Variants in LAMA2 observed in about 807,000 individuals in gnomAD.
LAMA2 encodes the protein laminin subunit alpha 2.
LAMA2 carries 269 observed loss-of-function variants against 364.8 expected under a neutral mutation model. The ratio of observed to expected loss-of-function variants is 0.74; its 90% confidence interval spans 0.67 to 0.82. The LOEUF (loss-of-function observed/expected upper bound fraction) is 0.82. Ranked by LOEUF, LAMA2 falls within the 40% of genes least tolerant of loss-of-function variation. The pLI, the probability that LAMA2 is intolerant of heterozygous loss-of-function variation, is 0.00. For missense variants in LAMA2, 3,807 were observed against 3,873.2 expected, an observed-to-expected ratio of 0.98 and a Z score of 0.45; for synonymous variants, 1,379 against 1,370.6, an observed-to-expected ratio of 1.01 and a Z score of -0.14.
chr6:128,965,443 A>G lies in LAMA2; in HGVS notation c.112+82086A>G, dbSNP rs560667319. Among the ~76,000 whole-genome samples the G allele has an allele frequency of 1.5e-3, 224 of 152,200 alleles. 1 individual carries two copies. The highest frequency in any genetic ancestry group is 5.0e-3 in the African/African-American group (206 of 41,580). The stretch of plus-strand genomic sequence containing the variant: ...AGGAGGAAGGAAATTGCCTTAGGAT[A>G]TGAATCAGATTTGATAACATGAACT... On this transcript the variant is annotated intron_variant, in intron 1 of 64. Transcript: ENST00000421865.
At chr6:128,992,620 A>G (rs1783675387) in intron 1 of LAMA2, among the ~76,000 whole-genome samples, 1 of 152,180 alleles carries the variant, frequency 6.6e-6, no homozygotes, top group Non-Finnish European at 1.5e-5. Context: ...ATTTAAAGAG[A>G]ACTCCTATAC....
chr6:129,260,688 A>C, intron 14 of LAMA2, 23 bp from the exon 15 acceptor site: 2 of 1,393,664 alleles, frequency 1.4e-6, no homozygotes, highest in Non-Finnish European at 2.0e-6. Flanking sequence ...CTTATTCACC[A>C]TCTCTTTTTT....
Position 128,908,158 on chromosome 6 carries a change from T to A in LAMA2, c.112+24801T>A, listed in dbSNP as rs570415465. Among the ~76,000 whole-genome samples the A allele has an allele frequency of 5.3e-4, 80 of 150,254 alleles. 3 individuals carry two copies. In the South Asian group the frequency reaches 0.016, roughly 30 times the overall value. On this transcript the variant is annotated intron_variant, in intron 1 of 64. Transcript: ENST00000421865. ...AATGATGCTGGCCTCATAAAATGAG[T>A]TAGGGAGGATTCCCTCTTTTTCTAT...
intron 1 of LAMA2, among the ~76,000 whole-genome samples, chr6:128,997,445 G>C (rs1275762418): frequency 6.6e-6 from 1 of 152,010 alleles, no homozygotes; most frequent in Admixed American, 6.6e-5. Context: ...GAGAGGGGAA[G>C]AATAGTATTA....
At chr6:129,048,774 C>G (rs1787785032) in intron 1 of LAMA2, among the ~76,000 whole-genome samples, 1 of 151,672 alleles carries the variant, frequency 6.6e-6, no homozygotes, top group South Asian at 2.1e-4. Context: ...ACCACCACGC[C>G]CTGCTAATTT....
chr6:129,093,409 G>T (rs1033602870), intron 3 of LAMA2, among the ~76,000 whole-genome samples: 1 of 152,028 alleles, frequency 6.6e-6, no homozygotes, highest in African/African-American at 2.4e-5. Context: ...GCAGGGAAGG[G>T]TCTAGAGTAG....
chr6:128,971,061 T>C (rs979692316), intron 1 of LAMA2, among the ~76,000 whole-genome samples: 3 of 152,190 alleles, frequency 2.0e-5, no homozygotes, highest in Non-Finnish European at 2.9e-5. Context: ...TTAGAAAGAT[T>C]TGTGCGTCCT....
intron 29 of LAMA2, among the ~76,000 whole-genome samples, chr6:129,333,971 C>T (rs1230152501): frequency 6.6e-6 from 1 of 152,104 alleles, no homozygotes; most frequent in African/African-American, 2.4e-5. Flanking sequence ...AAAATAAATA[C>T]TTCCATTAAA....
chr6:129,176,507 AAGTT>A (rs1249181900), intron 9 of LAMA2, among the ~76,000 whole-genome samples: 1 of 152,084 alleles, frequency 6.6e-6, no homozygotes, highest in African/African-American at 2.4e-5. Flanking sequence ...TAAGATGAGT[AAGTT>A]AGCATCATTT....
chr6:129,134,470 A>G (rs975503405), intron 4 of LAMA2, among the ~76,000 whole-genome samples: 5 of 152,198 alleles, frequency 3.3e-5, no homozygotes, highest in African/African-American at 1.2e-4. Flanking sequence ...TTTCCGGAGA[A>G]TAATGCTTTA....
chr6:129,045,739 G>T (rs1310690994), intron 1 of LAMA2, among the ~76,000 whole-genome samples: 3 of 152,118 alleles, frequency 2.0e-5, no homozygotes, highest in Non-Finnish European at 4.4e-5. Flanking sequence ...ACAACATAAA[G>T]AAAATACTTT....
intron 56 of LAMA2, among the ~76,000 whole-genome samples, chr6:129,489,779 G>C (rs1189662066): frequency 2.0e-5 from 3 of 151,898 alleles, no homozygotes; most frequent in Non-Finnish European, 4.4e-5. Context: ...ACAAACATTA[G>C]GACACATTTC....
chr6:129,453,175 T>C (rs1260099998), intron 46 of LAMA2, 44 bp downstream of exon 46: 4 of 1,539,718 alleles, frequency 2.6e-6, no homozygotes, highest in Admixed American at 3.3e-5. Context: ...TGTATGTGTA[T>C]AGCTAGAGGT....
chr6:129,095,902 A>G (rs889641925), intron 3 of LAMA2, among the ~76,000 whole-genome samples: 1 of 151,930 alleles, frequency 6.6e-6, no homozygotes, highest in African/African-American at 2.4e-5. Flanking sequence ...CATCCTGGAC[A>G]ACAGAGCAGG....
chr6:129,170,044 C>T (rs1780029439), intron 9 of LAMA2, among the ~76,000 whole-genome samples: 1 of 151,720 alleles, frequency 6.6e-6, no homozygotes, highest in South Asian at 2.1e-4. Context: ...CTATTAGATT[C>T]TTCTCTCTTT....
chr6:128,962,139 CATATATATATATATATATATATAT>C (rs55906092), intron 1 of LAMA2, among the ~76,000 whole-genome samples: 1,485 of 38,114 alleles, frequency 0.039, 192 homozygotes, highest in African/African-American at 0.12. Flanking sequence ...TCCTCTGGAC[CATATATATATATATATATATATAT>C]ATATATATAT....
At chr6:129,256,024 C>A (rs192335533) in intron 14 of LAMA2, among the ~76,000 whole-genome samples, 1 of 152,302 alleles carries the variant, frequency 6.6e-6, no homozygotes, top group Non-Finnish European at 1.5e-5. Context: ...TGAGCACCTT[C>A]CATGATTATC....
intron 1 of LAMA2, among the ~76,000 whole-genome samples, chr6:128,993,072 C>T (rs1235680048): frequency 1.3e-5 from 2 of 152,302 alleles, no homozygotes; most frequent in Middle Eastern, 3.4e-3. Flanking sequence ...CTCCCTGAGA[C>T]ACATTGTGAG....
At chr6:128,883,474 G>A in intron 1 of LAMA2, 117 bp downstream of exon 1, 5 of 1,504,166 alleles carry the variant, frequency 3.3e-6, no homozygotes, top group Non-Finnish European at 4.5e-6. Context: ...CCTTCAGAGA[G>A]TGCGCTCTGG....
Sources: allele counts gnomAD v4.1 joint callset (sites outside exome capture counted in the v4.1 genomes callset), GRCh38; gene constraint gnomAD v4.1.1; transcripts MANE v1.5; gene names NCBI Gene and HGNC (gene_info 2026-07-23, HGNC 2026-07-21).